DHX57: variants seen among roughly 807,000 people sequenced by gnomAD.
DHX57 encodes the protein putative ATP-dependent RNA helicase DHX57.
A neutral mutation model predicts 156.2 loss-of-function variants in DHX57; 105 were observed. That is an observed-to-expected ratio of 0.67 (90% CI 0.57 to 0.79). The LOEUF (loss-of-function observed/expected upper bound fraction) is 0.79. DHX57 is among the 30% of genes least tolerant of loss of function. The pLI is 0.00. For synonymous variants in DHX57, 704 were observed against 595.6 expected, an observed-to-expected ratio of 1.18 and a Z score of -2.65; for missense variants, 1,847 against 1,661.9, an observed-to-expected ratio of 1.11 and a Z score of -1.94.
At chr2:38,840,965 C>A (rs1353208220) in intron 12 of DHX57, among the ~76,000 whole-genome samples, 2 of 152,058 alleles carry the variant, frequency 1.3e-5, no homozygotes, top group African/African-American at 4.8e-5. Flanking sequence ...ACTACAGGTG[C>A]CAACTACCAT....
At chr2:38,807,796 A>T (rs1435696012) in intron 21 of DHX57, among the ~76,000 whole-genome samples, 3 of 149,744 alleles carry the variant, frequency 2.0e-5, no homozygotes, top group Admixed American at 6.7e-5. Flanking sequence ...TACAGGCATG[A>T]GCACCACGCC....
At chr2:38,804,028 C>T (rs1360834461) in intron 22 of DHX57, among the ~76,000 whole-genome samples, 1 of 151,904 alleles carries the variant, frequency 6.6e-6, no homozygotes, top group Non-Finnish European at 1.5e-5. Context: ...GTCATCCGCC[C>T]GCCTCGGCCT....
chr2:38,861,354 T>C lies in DHX57; in HGVS notation c.1056A>G (p.Leu352=). The change falls in exon 5 of 24, where the codon TTA becomes TTG. Residue 352 remains leucine, a synonymous_variant. Coordinates refer to ENST00000457308, the MANE Select transcript of DHX57 (RefSeq NM_198963.3). ...TAGAAAATCGAATTTCAAGTTCATA[T>C]AAAAAAGATGCATCTTCAATAGCAT... The part of the protein sequence containing the change: ...HLNAIEDASF[L]YELEIRFSKD... The C allele has an allele frequency of 6.2e-7, 1 of 1,613,576 alleles. No individual in the cohort carries two copies. The highest frequency in any genetic ancestry group is 2.2e-5 in the East Asian group (1 of 44,878).
In DHX57 at chr2:38,806,035, A is replaced by G. The variant is rs1289021859; in HGVS notation, c.3816+524T>C. On this transcript the variant is annotated intron_variant, in intron 22 of 23. Coordinates refer to ENST00000457308, the MANE Select transcript of DHX57 (RefSeq NM_198963.3). ...AGAGAGAAGAAAGTGATATTTCAGAAGCAAAAATAACATCAAGGAGAATTT... is the reference window on the plus strand; with the variant it reads ...AGAGAGAAGAAAGTGATATTTCAGAGGCAAAAATAACATCAAGGAGAATTT... 3.9e-5 allele frequency among the ~76,000 whole-genome samples: 6 copies of G among 152,208 alleles called. No homozygotes were observed. In the East Asian group the frequency reaches 1.2e-3, roughly 29 times the overall value.
intron 2 of DHX57, among the ~76,000 whole-genome samples, chr2:38,866,125 G>A (rs1054147250): frequency 1.1e-4 from 17 of 152,090 alleles, no homozygotes; most frequent in Non-Finnish European, 4.4e-5. Flanking sequence ...GGCATACACT[G>A]AATAGAAACA....
intron 1 of DHX57, among the ~76,000 whole-genome samples, chr2:38,871,471 T>A (rs1665349361): frequency 6.6e-6 from 1 of 152,218 alleles, no homozygotes; most frequent in Non-Finnish European, 1.5e-5. Context: ...TAGAGCTATA[T>A]AAAAGTAATA....
In DHX57 at chr2:38,813,908, C is replaced by T. The variant is rs1349413312; in HGVS notation, c.3607-13G>A. 6.2e-7 allele frequency: 1 copy of T among 1,611,670 alleles called. No individual in the cohort carries two copies. Among genetic ancestry groups the T allele is most frequent in the Admixed American group, 1.7e-5 (1 of 59,926 alleles). ...CATTTGAGTTTGCCTATGAGAAAAGCACAGCATTAATTAACAAGTGATATG... is the reference window on the plus strand; with the variant it reads ...CATTTGAGTTTGCCTATGAGAAAAGTACAGCATTAATTAACAAGTGATATG... On this transcript the variant is annotated splice_polypyrimidine_tract_variant and intron_variant, in intron 20 of 23. Transcript: ENST00000457308.
At chr2:38,807,070 T>G (rs1428350439) in intron 21 of DHX57, among the ~76,000 whole-genome samples, 3 of 151,888 alleles carry the variant, frequency 2.0e-5, no homozygotes, top group Non-Finnish European at 4.4e-5. Context: ...TTTTGTTTTT[T>G]TTGAGACCGA....
At chr2:38,816,914 A>C (rs1670573860) in intron 19 of DHX57, among the ~76,000 whole-genome samples, 1 of 152,194 alleles carries the variant, frequency 6.6e-6, no homozygotes, top group South Asian at 2.1e-4. Context: ...ATGAAAAAAA[A>C]ATTTAGTAGG....
chr2:38,814,009 C>T (rs1359932982), intron 20 of DHX57, 114 bp from the exon 21 acceptor site: 3 of 1,140,702 alleles, frequency 2.6e-6, no homozygotes, highest in Non-Finnish European at 3.8e-6. Flanking sequence ...GCCATCTCAG[C>T]TTACTGCAAC....
At chr2:38,818,847 A>T (rs779178326) in intron 19 of DHX57, 30 bp downstream of exon 19, 1 of 1,612,912 alleles carries the variant, frequency 6.2e-7, no homozygotes. Flanking sequence ...CTAATAAAAA[A>T]ATGAAGAAAA....
intron 9 of DHX57, 44 bp downstream of exon 9, chr2:38,854,010 C>G (rs778548448): frequency 6.5e-7 from 1 of 1,531,330 alleles, no homozygotes; most frequent in South Asian, 1.3e-5. Flanking sequence ...GCCATGCCTT[C>G]AATTCAGGTG....
chr2:38,830,157 CCT>C (rs1671305607), intron 13 of DHX57, among the ~76,000 whole-genome samples: 3 of 152,236 alleles, frequency 2.0e-5, no homozygotes, highest in Middle Eastern at 3.4e-3. Flanking sequence ...GAACTCATGA[CCT>C]ATTATTCAGT....
rs1450285194 is a variant in DHX57, at chr2:38,813,874, G to T, written c.3628C>A (p.Pro1210Thr). 1 of 1,613,438 alleles carries T rather than the reference G, an allele frequency of 6.2e-7. No individual in the cohort carries two copies. Among genetic ancestry groups the T allele is most frequent in the African/African-American group, 1.3e-5 (1 of 75,022 alleles). The change falls in exon 21 of 24, where the codon CCC (proline) becomes ACC (threonine). Residue 1210 changes from proline to threonine, a missense_variant. Physicochemically the swap from Pro to Thr is conservative, Grantham distance 38 (BLOSUM62 -1). Transcript: ENST00000457308. ...GEEANSNAEN[P>T]KLISAMLCAA... ...CACAGCATTGCTGATATCAGCTTGG[G>T]GTTCTCAGCATTTGAGTTTGCCTAT...
At position 38,798,392 on chromosome 2, in the gene DHX57, C is replaced by G; in HGVS notation, c.4068G>C (p.Gln1356His). 6.2e-7 allele frequency: 1 copy of G among 1,613,986 alleles called. No individual in the cohort carries two copies. The highest frequency in any genetic ancestry group is 8.5e-7 in the Non-Finnish European group (1 of 1,179,958). ...ELRCELDQLL[Q>H]DKIKNPSIDL... ...CAATGCTTGGGTTTTTAATTTTATC[C>G]TGGAGAAGCTGATCAAGTTCGCAAC... Residue 1356 changes from glutamine (Q) to histidine (H), a missense_variant, in exon 24 of 24, where the codon CAG becomes CAC. Coordinates refer to ENST00000457308, the MANE Select transcript of DHX57 (RefSeq NM_198963.3).
At chr2:38,809,871 C>G (rs1670150541) in intron 21 of DHX57, among the ~76,000 whole-genome samples, 2 of 151,954 alleles carry the variant, frequency 1.3e-5, no homozygotes, top group South Asian at 4.2e-4. Context: ...CTATTAGGTT[C>G]TATTAGATCT....
intron 22 of DHX57, among the ~76,000 whole-genome samples, chr2:38,805,372 G>A (rs1669890305): frequency 6.6e-6 from 1 of 152,206 alleles, no homozygotes; most frequent in South Asian, 2.1e-4. Flanking sequence ...GGAGTCATGT[G>A]AGAGTGTGTG....
intron 9 of DHX57, among the ~76,000 whole-genome samples, chr2:38,852,175 C>T (rs77855501): frequency 0.033 from 4,900 of 150,750 alleles, 106 homozygotes; most frequent in Non-Finnish European, 0.045. Flanking sequence ...TGGTTATATG[C>T]CTTCTCTGTT....
intron 8 of DHX57, 123 bp from the exon 9 acceptor site, chr2:38,854,301 T>C: frequency 3.2e-6 from 3 of 939,338 alleles, no homozygotes; most frequent in Non-Finnish European, 4.6e-6. Context: ...TTCCATTTAA[T>C]AGGAAACCAT....
Sources: allele counts gnomAD v4.1 joint callset (sites outside exome capture counted in the v4.1 genomes callset), GRCh38; gene constraint gnomAD v4.1.1; transcripts MANE v1.5; gene names NCBI Gene and HGNC (gene_info 2026-07-23, HGNC 2026-07-21).